CEP164: variants seen among roughly 807,000 people sequenced by gnomAD.
The protein encoded by CEP164 is centrosomal protein of 164 kDa.
In CEP164, 162 loss-of-function variants were observed where a neutral mutation model predicts 182.7. The ratio of observed to expected loss-of-function variants is 0.89; its 90% CI spans 0.78 to 1.01. CEP164 has a LOEUF of 1.01. Ranked by LOEUF, CEP164 falls within the 50% of genes least tolerant of loss-of-function variation. The pLI is 0.00. For synonymous variants in CEP164, 661 were observed against 690.0 expected (o/e 0.96, Z 0.66); for missense variants, 1,735 against 1,790.4 (o/e 0.97, Z 0.56).
chr11:117,343,396 C>G (rs1333664986), intron 3 of CEP164, among the ~76,000 whole-genome samples: 3 of 152,180 alleles, frequency 2.0e-5, no homozygotes, highest in South Asian at 2.1e-4. Flanking sequence ...CTGGGTTGTA[C>G]TCTAATTGTG....
chr11:117,351,779 C>G lies in CEP164; in HGVS notation c.195-11C>G. 6.2e-7 allele frequency: 1 copy of G among 1,612,114 alleles called. No individual in the cohort carries two copies. Among genetic ancestry groups the G allele is most frequent in the Non-Finnish European group, 8.5e-7 (1 of 1,179,104 alleles). ...AGCAGGGACTAACTTCTGAACTCTGCCCATCCCCAGCCAGGACATCACAGG... is the reference window on the plus strand; with the variant it reads ...AGCAGGGACTAACTTCTGAACTCTGGCCATCCCCAGCCAGGACATCACAGG... On this transcript the variant is annotated splice_polypyrimidine_tract_variant and intron_variant, in intron 4 of 32. Transcript: ENST00000278935.
intron 15 of CEP164, among the ~76,000 whole-genome samples, chr11:117,390,258 G>A (rs879332153): frequency 6.6e-6 from 1 of 151,962 alleles, no homozygotes; most frequent in Non-Finnish European, 1.5e-5. Flanking sequence ...TTTGCTTCTT[G>A]AAGCAAAGGG....
At chr11:117,364,152 C>T (rs2041353182) in intron 8 of CEP164, 2 of 152,150 alleles carry the variant, frequency 1.3e-5, no homozygotes, top group African/African-American at 4.8e-5. Context: ...TAACATTTCT[C>T]TAAATATTCC....
intron 8 of CEP164, among the ~76,000 whole-genome samples, chr11:117,366,151 G>C (rs1397532800): frequency 6.6e-6 from 1 of 151,994 alleles, no homozygotes; most frequent in Non-Finnish European, 1.5e-5. Flanking sequence ...GAGTGTTAGT[G>C]GTGGGGGTAA....
intron 27 of CEP164, among the ~76,000 whole-genome samples, chr11:117,397,763 C>G (rs1399832155): frequency 1.3e-5 from 2 of 152,106 alleles, no homozygotes; most frequent in Non-Finnish European, 2.9e-5. Flanking sequence ...GGGGAAATGG[C>G]CCCTGTGATT....
chr11:117,409,294 G>A lies in CEP164; in HGVS notation c.3748+266G>A. 1.7e-6 allele frequency: 1 copy of A among 580,088 alleles called. No homozygotes were observed. Among genetic ancestry groups the A allele is most frequent in the Non-Finnish European group, 3.0e-6 (1 of 328,854 alleles). The allele number at this position is 580,088 out of a possible 1,614,324, so 35.9% of individuals were successfully genotyped here. On this transcript the variant is annotated intron_variant, in intron 29 of 32. Transcript: ENST00000278935. This position sits in a 1 kb window ranked among gnomAD's most constrained non-coding sequence, Gnocchi z 4.4. Reference sequence around the variant, plus strand: ...GGCCTTGCTGGCCTCTTCTCTTCCAGGGCCTCCTTGAGGAGGCTTTTCTCT... The same window carrying A: ...GGCCTTGCTGGCCTCTTCTCTTCCAAGGCCTCCTTGAGGAGGCTTTTCTCT...
At chr11:117,339,276 A>G (rs1385288537) in intron 3 of CEP164, among the ~76,000 whole-genome samples, 1 of 152,214 alleles carries the variant, frequency 6.6e-6, no homozygotes, top group African/African-American at 2.4e-5. Context: ...GGTTGTTTAC[A>G]GAAAAAGTTT....
intron 4 of CEP164, 25 bp downstream of exon 4, chr11:117,344,302 C>T: frequency 6.6e-7 from 1 of 1,517,594 alleles, no homozygotes; most frequent in South Asian, 1.2e-5. Flanking sequence ...GGTGCGGCCA[C>T]TGACTTGGCC....
rs2047494432 is a variant in CEP164, at chr11:117,412,925, C to G, written c.*757C>G. The G allele has an allele frequency of 6.6e-6, 1 of 151,964 alleles. No homozygotes were observed. Among genetic ancestry groups the G allele is most frequent in the East Asian group, 1.9e-4 (1 of 5,160 alleles). 9.4% of individuals were successfully genotyped at this position (151,964 alleles called of 1,614,324 possible). A position where few individuals can be genotyped will look rare whatever the true frequency, so the allele number is the denominator to read the frequency against. On this transcript the variant is annotated 3_prime_UTR_variant, in exon 33 of 33. Coordinates refer to ENST00000278935, the MANE Select transcript of CEP164 (RefSeq NM_014956.5). ...CTCAAAAACAACTTCTCCAGGAGGCCAAAAAAAGACTGGGTTGGCTTCTGG... is the reference window on the plus strand; with the variant it reads ...CTCAAAAACAACTTCTCCAGGAGGCGAAAAAAAGACTGGGTTGGCTTCTGG...
rs1479662354 is a variant in CEP164, at chr11:117,411,399, C to G, written c.4164-396C>G. On this transcript the variant is annotated intron_variant, in intron 31 of 32. Coordinates refer to ENST00000278935, the MANE Select transcript of CEP164 (RefSeq NM_014956.5). This position sits in a 1 kb window ranked among gnomAD's most constrained non-coding sequence, Gnocchi z 4.4. ...AATTTTCCATTCATCTCATTCCTTG[C>G]CAAATGTTTTCCCCTCTCCCTCCCT... 1 of 252,908 alleles carries G rather than the reference C, an allele frequency of 4.0e-6. No homozygotes were observed. Among genetic ancestry groups the G allele is most frequent in the Non-Finnish European group, 7.7e-6 (1 of 130,118 alleles). 15.7% of individuals were successfully genotyped at this position (252,908 alleles called of 1,614,324 possible). A position where few individuals can be genotyped will look rare whatever the true frequency, so the allele number is the denominator to read the frequency against.
chr11:117,336,681 T>C, intron 2 of CEP164: 1 of 836,330 alleles, frequency 1.2e-6, no homozygotes. Flanking sequence ...CTTGATGCGT[T>C]CTACCAGATC....
chr11:117,407,457 C>G (rs1383889090), intron 27 of CEP164, among the ~76,000 whole-genome samples: 1 of 69,030 alleles, frequency 1.4e-5, no homozygotes, highest in Non-Finnish European at 2.8e-5. Context: ...TCTGTCTCTA[C>G]AAAAAAAAAA....
chr11:117,406,493 G>T (rs2046689643), intron 27 of CEP164, among the ~76,000 whole-genome samples: 1 of 152,208 alleles, frequency 6.6e-6, no homozygotes, highest in Admixed American at 6.5e-5. Flanking sequence ...CATTTATAAT[G>T]TGCAAGGCAG....
At chr11:117,390,275 A>C (rs2044467880) in intron 15 of CEP164, among the ~76,000 whole-genome samples, 1 of 152,024 alleles carries the variant, frequency 6.6e-6, no homozygotes, top group Non-Finnish European at 1.5e-5. Context: ...AGGGGAGTTC[A>C]TGGTCCCTTC....
intron 4 of CEP164, among the ~76,000 whole-genome samples, chr11:117,345,367 C>T (rs530559680): frequency 2.0e-5 from 3 of 152,318 alleles, no homozygotes; most frequent in African/African-American, 2.4e-5. Flanking sequence ...CTACTCTGTC[C>T]TCCTGTCTTG....
chr11:117,371,864 G>A (rs1172769528), intron 9 of CEP164, among the ~76,000 whole-genome samples: 3 of 149,348 alleles, frequency 2.0e-5, no homozygotes, highest in African/African-American at 7.4e-5. Flanking sequence ...GTGCAGTGGC[G>A]TGACCTTGGC....
At position 117,411,946 on chromosome 11, in the gene CEP164, G is replaced by C. The variant is rs760435734; in HGVS notation, c.4286+29G>C. On this transcript the variant is annotated intron_variant, in intron 32 of 32. Coordinates refer to ENST00000278935, the MANE Select transcript of CEP164 (RefSeq NM_014956.5). This position sits in a 1 kb window ranked among gnomAD's most constrained non-coding sequence, Gnocchi z 4.4. ...TCCTTTTACCTGGTTCCCAAACTGG[G>C]CTGGGCTGTGGGGACTGTGCTTGTG... 2 of 1,613,372 alleles carry C rather than the reference G, an allele frequency of 1.2e-6. No individual in the cohort carries two copies. Among genetic ancestry groups the C allele is most frequent in the South Asian group, 2.2e-5 (2 of 90,830 alleles).
chr11:117,322,772 T>A (rs1180646466), intron 1 of CEP164, among the ~76,000 whole-genome samples: 1 of 141,982 alleles, frequency 7.0e-6, no homozygotes, highest in African/African-American at 2.6e-5. Context: ...TTTTTTTTTT[T>A]TTTTTTTTTT....
chr11:117,330,966 T>C (rs609272), intron 1 of CEP164, among the ~76,000 whole-genome samples: 109,444 of 152,148 alleles, frequency 0.72, 39,503 homozygotes, highest in Admixed American at 0.78. Context: ...GTTCCAAAGC[T>C]TTTGCTCATT....
Sources: allele counts gnomAD v4.1 joint callset (sites outside exome capture counted in the v4.1 genomes callset), GRCh38; gene constraint gnomAD v4.1.1; non-coding constraint Gnocchi (gnomAD v3.1); transcripts MANE v1.5; gene names NCBI Gene and HGNC (gene_info 2026-07-23, HGNC 2026-07-21).